The following DNAH9 variants were observed in gnomAD, a reference collection of about 807,000 sequenced individuals.
DNAH9 encodes dynein axonemal heavy chain 9.
Under a neutral mutation model 471.6 loss-of-function variants are expected in DNAH9, and 345 were observed. That is an observed-to-expected ratio of 0.73 (90% CI 0.67 to 0.80). DNAH9 has a LOEUF of 0.80. Ranked by LOEUF, DNAH9 falls within the 30% of genes least tolerant of loss-of-function variation. The pLI is 0.00. For synonymous variants in DNAH9, 2,093 were observed against 2,123.6 expected (o/e 0.99, Z 0.40); for missense variants, 5,407 against 5,609.2 (o/e 0.96, Z 1.15).
intron 14 of DNAH9, among the ~76,000 whole-genome samples, chr17:11,661,869 A>G (rs2073771181): frequency 6.6e-6 from 1 of 152,128 alleles, no homozygotes; most frequent in Non-Finnish European, 1.5e-5. Flanking sequence ...AAATATTTAC[A>G]GTGTTTTATA....
chr17:11,874,699 G>A (rs749008175), intron 52 of DNAH9, among the ~76,000 whole-genome samples: 2 of 151,560 alleles, frequency 1.3e-5, no homozygotes, highest in Non-Finnish European at 2.9e-5. Flanking sequence ...TAAAGATACC[G>A]AAAAACAAAG....
At position 11,604,314 on chromosome 17, in the gene DNAH9, G is replaced by A. The variant is rs77975246; in HGVS notation, c.418-3815G>A. Reference sequence around the variant, plus strand: ...TGGGATTACAGGTGTGAGCCGCCGCGCCCGTCCTCTTCCCAACTTCTTAAC... The same window carrying A: ...TGGGATTACAGGTGTGAGCCGCCGCACCCGTCCTCTTCCCAACTTCTTAAC... On this transcript the variant is annotated intron_variant, in intron 1 of 68. Transcript: ENST00000262442. Among the ~76,000 whole-genome samples the A allele has an allele frequency of 4.9e-3, 751 of 152,070 alleles. 33 individuals carry two copies. The East Asian group carries it at 0.1, about 21-fold the overall frequency.
intron 14 of DNAH9, among the ~76,000 whole-genome samples, chr17:11,663,045 G>A (rs1051962198): frequency 2.8e-4 from 43 of 151,718 alleles, no homozygotes; most frequent in East Asian, 2.0e-4. Context: ...GTGAGCCACC[G>A]CGCCCGGCCC....
At chr17:11,958,691 T>C (rs1299298505) in intron 67 of DNAH9, among the ~76,000 whole-genome samples, 3 of 151,674 alleles carry the variant, frequency 2.0e-5, no homozygotes, top group Non-Finnish European at 4.4e-5. Context: ...GGGTAATCTC[T>C]GTACTTGCTG....
Position 11,892,593 on chromosome 17 carries a change from C to G in DNAH9, c.11283+646C>G, listed in dbSNP as rs1472828881. On this transcript the variant is annotated intron_variant, in intron 58 of 68. Coordinates refer to ENST00000262442, the MANE Select transcript of DNAH9 (RefSeq NM_001372.4). This position sits in a 1 kb window ranked among gnomAD's most constrained non-coding sequence, Gnocchi z 4.3. The stretch of plus-strand genomic sequence containing the variant: ...TGAGATGGAGTCTCACTCTGTTGTC[C>G]AGGCTGGAATGCAGTGGTGTGATCC... Among the ~76,000 whole-genome samples the G allele has an allele frequency of 1.3e-5, 2 of 152,072 alleles. No homozygotes were observed. The highest frequency in any genetic ancestry group is 2.9e-5 in the Non-Finnish European group (2 of 68,016).
At chr17:11,803,516 C>A (rs931411164) in intron 43 of DNAH9, among the ~76,000 whole-genome samples, 1 of 152,208 alleles carries the variant, frequency 6.6e-6, no homozygotes, top group Non-Finnish European at 1.5e-5. Flanking sequence ...ATGGACTTAA[C>A]TTAGACTGCC....
At chr17:11,760,990 G>A (rs538377399) in intron 35 of DNAH9, among the ~76,000 whole-genome samples, 7 of 152,336 alleles carry the variant, frequency 4.6e-5, no homozygotes, top group East Asian at 3.9e-4. Context: ...CTACGAAGCC[G>A]TGTCATGTCA....
chr17:11,935,666 G>A (rs1281369309), intron 65 of DNAH9, among the ~76,000 whole-genome samples: 3 of 152,062 alleles, frequency 2.0e-5, no homozygotes, highest in East Asian at 1.9e-4. Context: ...GAGCCACCGC[G>A]CCCGGCCCGA....
At position 11,756,618 on chromosome 17, in the gene DNAH9, G is replaced by A. The variant is rs1292311677; in HGVS notation, c.6789G>A (p.Lys2263=). Residue 2263 remains lysine (K), a synonymous_variant, in exon 34 of 69, where the codon AAG becomes AAA. Transcript: ENST00000262442. ...NERIPLNPTM[K]LLFEISHLRT... ...GGATTCCTCTGAACCCCACCATGAAGCTCCTCTTTGAGATCAGCCACCTGC... is the reference window on the plus strand; with the variant it reads ...GGATTCCTCTGAACCCCACCATGAAACTCCTCTTTGAGATCAGCCACCTGC... The A allele has an allele frequency of 3.1e-6, 5 of 1,613,884 alleles. No individual in the cohort carries two copies. The highest frequency in any genetic ancestry group is 1.7e-5 in the Admixed American group (1 of 60,016).
chr17:11,762,787 T>G (rs868688367), intron 35 of DNAH9, among the ~76,000 whole-genome samples: 2,039 of 135,816 alleles, frequency 0.015, 119 homozygotes, highest in African/African-American at 0.049. Context: ...TTTTTTTTTT[T>G]TTTTTTTTTT....
In DNAH9 at chr17:11,679,912, A is replaced by C; in HGVS notation, c.3509A>C (p.Lys1170Thr). Residue 1170 changes from lysine to threonine, a missense_variant, in exon 18 of 69, where the codon AAG becomes ACG. By Grantham distance (78) the Lys-to-Thr change is moderately conservative. Around this residue, in one of 3 missense-constraint regions of DNAH9, gnomAD observed 4,636 missense variants for 4,900.3 expected, o/e 0.95. Coordinates refer to ENST00000262442, the MANE Select transcript of DNAH9 (RefSeq NM_001372.4). ...SNTDEMFEPL[K>T]QTIELLKTYE... The stretch of plus-strand genomic sequence containing the variant: ...ACTGATGAGATGTTTGAGCCCTTAA[A>C]GCAGACTATTGAATTGCTGAAGACC... The C allele has an allele frequency of 1.2e-6, 2 of 1,614,186 alleles. No individual in the cohort carries two copies. The highest frequency in any genetic ancestry group is 1.7e-6 in the Non-Finnish European group (2 of 1,180,022).
At chr17:11,866,018 G>A (rs1393048957) in intron 50 of DNAH9, among the ~76,000 whole-genome samples, 12 of 152,186 alleles carry the variant, frequency 7.9e-5, no homozygotes, top group African/African-American at 1.7e-4. Flanking sequence ...CTCTCAACTC[G>A]TCAAAGTCAT....
At chr17:11,641,462 G>T (rs1475963068) in intron 10 of DNAH9, among the ~76,000 whole-genome samples, 1 of 152,114 alleles carries the variant, frequency 6.6e-6, no homozygotes, top group Admixed American at 6.6e-5. Context: ...ATCTGCTTGG[G>T]TGTGGGCGAG....
intron 59 of DNAH9, among the ~76,000 whole-genome samples, chr17:11,897,713 C>T (rs546521628): frequency 6.6e-6 from 1 of 152,260 alleles, no homozygotes; most frequent in East Asian, 1.9e-4. Flanking sequence ...TTCCTCTGAG[C>T]CTTGGTTTCC....
Position 11,738,697 on chromosome 17 carries a change from T to C in DNAH9, c.5815-183T>C, listed in dbSNP as rs547352389. Among the ~76,000 whole-genome samples the C allele has an allele frequency of 3.3e-3, 504 of 152,282 alleles. 3 individuals carry two copies. Among genetic ancestry groups the C allele is most frequent in the Middle Eastern group, 0.024 (7 of 294 alleles). On this transcript the variant is annotated intron_variant, in intron 28 of 68. Transcript: ENST00000262442. ...TGCCTAGCAGTGGCCAGATTTCTTT[T>C]AGACATGCAACCAGGGCCTGTCAGT... is the stretch of plus-strand genomic sequence containing the variant.
At chr17:11,812,552 A>C (rs1374925925) in intron 45 of DNAH9, among the ~76,000 whole-genome samples, 1 of 152,088 alleles carries the variant, frequency 6.6e-6, no homozygotes, top group Non-Finnish European at 1.5e-5. Flanking sequence ...TTTCATGAAG[A>C]GCCACTGGTC....
At chr17:11,864,912 G>T (rs1028311376) in intron 50 of DNAH9, among the ~76,000 whole-genome samples, 1 of 152,052 alleles carries the variant, frequency 6.6e-6, no homozygotes, top group African/African-American at 2.4e-5. Flanking sequence ...GAGCCTATGT[G>T]TGTCTCTGCA....
intron 6 of DNAH9, among the ~76,000 whole-genome samples, chr17:11,622,855 AC>A (rs1254530001): frequency 6.6e-6 from 1 of 152,026 alleles, no homozygotes; most frequent in Non-Finnish European, 1.5e-5. Context: ...CATGAGTGTC[AC>A]CAAGCTCCCT....
Position 11,701,012 on chromosome 17 carries a change from C to A in DNAH9, c.5026-110C>A, listed in dbSNP as rs912634756. On this transcript the variant is annotated intron_variant, in intron 23 of 68. Transcript: ENST00000262442. ...TCTGGCAGCCACTTGGGGCTGTATA[C>A]AATGTGTGGGCTCCCTTTCCTTCAC... The A allele has an allele frequency of 3.4e-6, 4 of 1,188,872 alleles. 1 individual carries two copies. The highest frequency in any genetic ancestry group is 3.7e-5 in the Admixed American group (2 of 53,776). 73.6% of individuals were successfully genotyped at this position (1,188,872 alleles called of 1,614,324 possible). A position where few individuals can be genotyped will look rare whatever the true frequency, so the allele number is the denominator to read the frequency against.
Sources: allele counts gnomAD v4.1 joint callset (sites outside exome capture counted in the v4.1 genomes callset), GRCh38; gene constraint gnomAD v4.1.1; regional missense constraint gnomAD v4.1.1; non-coding constraint Gnocchi (gnomAD v3.1); transcripts MANE v1.5; gene names NCBI Gene and HGNC (gene_info 2026-07-23, HGNC 2026-07-21).